Variants in TOM1L2 observed in about 807,000 individuals in gnomAD.
TOM1L2 encodes the protein target of myb1 like 2 membrane trafficking protein.
TOM1L2 carries 31 observed loss-of-function variants against 67.9 expected under a neutral mutation model. The ratio of observed to expected loss-of-function variants is 0.46; its 90% CI spans 0.34 to 0.62. The LOEUF (loss-of-function observed/expected upper bound fraction) is 0.62. TOM1L2 is among the 20% of genes least tolerant of loss of function. The probability of loss-of-function intolerance (pLI) is 0.01; values close to 1 mark genes in which losing one functional copy is unlikely to be tolerated. For missense variants in TOM1L2, 606 were observed against 663.5 expected (o/e 0.91, Z 0.95); for synonymous variants, 256 against 254.0 (o/e 1.01, Z -0.07).
In TOM1L2 at chr17:17,898,620, G is replaced by A. The variant is rs2144293654; in HGVS notation, c.192C>T (p.Tyr64=). The A allele has an allele frequency of 1.9e-6, 3 of 1,614,234 alleles. No homozygotes were observed. Among genetic ancestry groups the A allele is most frequent in the South Asian group, 2.2e-5 (2 of 91,080 alleles). The change falls in exon 3 of 15, where the codon TAC becomes TAT. Residue 64 remains tyrosine, a synonymous_variant. Transcript: ENST00000379504. ...LKKRLNGNRN[Y]REVMLALTVL... The stretch of plus-strand genomic sequence containing the variant: ...CTGTTAATGCCAGCATCACCTCTCT[G>A]TAGTTCCGGTTCCCGTTGAGCCGCT...
At chr17:17,889,832 G>A (rs2038184804) in intron 4 of TOM1L2, among the ~76,000 whole-genome samples, 1 of 152,172 alleles carries the variant, frequency 6.6e-6, no homozygotes, top group African/African-American at 2.4e-5. Flanking sequence ...CTCCCTGAGG[G>A]TAGGGCCAGG....
At chr17:17,953,935 G>A (rs2041316731) in intron 1 of TOM1L2, among the ~76,000 whole-genome samples, 1 of 152,258 alleles carries the variant, frequency 6.6e-6, no homozygotes, top group Admixed American at 6.5e-5. Flanking sequence ...ACCCTGTACA[G>A]TTAGCCACTC....
intron 4 of TOM1L2, among the ~76,000 whole-genome samples, chr17:17,891,985 C>T (rs1483587634): frequency 6.6e-6 from 1 of 152,150 alleles, no homozygotes; most frequent in Non-Finnish European, 1.5e-5. Flanking sequence ...TTACACTGCT[C>T]TAGACCCTGG....
chr17:17,872,626 C>T (rs2037209064), intron 7 of TOM1L2, among the ~76,000 whole-genome samples: 1 of 152,246 alleles, frequency 6.6e-6, no homozygotes, highest in African/African-American at 2.4e-5. Context: ...GGCCACCGTG[C>T]GGGTCTCCTC....
chr17:17,898,308 C>A (rs553791494), intron 3 of TOM1L2, among the ~76,000 whole-genome samples: 1 of 152,204 alleles, frequency 6.6e-6, no homozygotes, highest in African/African-American at 2.4e-5. Context: ...AAGGGACCCA[C>A]CCAAAACCTT....
At chr17:17,862,922 C>A in intron 10 of TOM1L2, 74 bp from the exon 11 acceptor site, 2 of 884,656 alleles carry the variant, frequency 2.3e-6, no homozygotes, top group South Asian at 2.9e-5. Context: ...GGCCCCCAAG[C>A]TAGGACGCCA....
At chr17:17,861,070 C>T (rs981720820) in intron 12 of TOM1L2, among the ~76,000 whole-genome samples, 1 of 152,194 alleles carries the variant, frequency 6.6e-6, no homozygotes, top group African/African-American at 2.4e-5. Context: ...GAGCACTGAC[C>T]ACCCTGTGGC....
intron 1 of TOM1L2, among the ~76,000 whole-genome samples, chr17:17,941,936 C>A (rs1280724718): frequency 6.6e-6 from 1 of 152,182 alleles, no homozygotes; most frequent in Non-Finnish European, 1.5e-5. Flanking sequence ...CCAACCTGGA[C>A]AACACAGCAA....
At chr17:17,891,540 G>A (rs1452597971) in intron 4 of TOM1L2, among the ~76,000 whole-genome samples, 1 of 152,156 alleles carries the variant, frequency 6.6e-6, no homozygotes, top group Non-Finnish European at 1.5e-5. Context: ...CAGGGACAGT[G>A]CAGTTCACAC....
chr17:17,945,777 G>GT (rs1353493414), intron 1 of TOM1L2, among the ~76,000 whole-genome samples: 1 of 152,084 alleles, frequency 6.6e-6, no homozygotes, highest in Admixed American at 6.5e-5. Flanking sequence ...AAGAGAAAAA[G>GT]TAATTATAGA....
In TOM1L2 at chr17:17,847,288, C is replaced by G; in HGVS notation, c.*347G>C. The G allele has an allele frequency of 3.2e-6, 1 of 309,660 alleles. No homozygotes were observed. Among genetic ancestry groups the G allele is most frequent in the Non-Finnish European group, 6.1e-6 (1 of 165,120 alleles). 19.2% of individuals were successfully genotyped at this position (309,660 alleles called of 1,614,324 possible). A position where few individuals can be genotyped will look rare whatever the true frequency, so the allele number is the denominator to read the frequency against. ...AGCACAGGGCGGGGCCGGGCGTGCT[C>G]TTTCTCCATGGGCGGGTGGAGGAAA... is the stretch of plus-strand genomic sequence containing the variant. On this transcript the variant is annotated 3_prime_UTR_variant, in exon 15 of 15. Transcript: ENST00000379504.
chr17:17,912,364 G>T (rs1237939383), intron 1 of TOM1L2, among the ~76,000 whole-genome samples: 1 of 151,496 alleles, frequency 6.6e-6, no homozygotes, highest in Non-Finnish European at 1.5e-5. Flanking sequence ...TGGCTGCCGG[G>T]CGGAGAGGCT....
At chr17:17,854,986 C>T (rs564599401) in intron 12 of TOM1L2, among the ~76,000 whole-genome samples, 2 of 152,300 alleles carry the variant, frequency 1.3e-5, no homozygotes, top group South Asian at 4.1e-4. Flanking sequence ...GAGGAATGCC[C>T]TCCAATAGAG....
intron 1 of TOM1L2, among the ~76,000 whole-genome samples, chr17:17,950,323 CT>C (rs1489492439): frequency 6.6e-6 from 1 of 151,990 alleles, no homozygotes; most frequent in African/African-American, 2.4e-5. Flanking sequence ...TACCCGGCTC[CT>C]TTTTTTGAAT....
At chr17:17,904,603 T>TG (rs2039004946) in intron 2 of TOM1L2, among the ~76,000 whole-genome samples, 1 of 152,198 alleles carries the variant, frequency 6.6e-6, no homozygotes, top group East Asian at 1.9e-4. Flanking sequence ...GGGAGCAACT[T>TG]GGTCGTTGTG....
intron 13 of TOM1L2, among the ~76,000 whole-genome samples, chr17:17,850,013 C>T (rs535876940): frequency 6.6e-6 from 1 of 152,286 alleles, no homozygotes; most frequent in South Asian, 2.1e-4. Flanking sequence ...GGGAGGTAGC[C>T]AGGTCACCAG....
intron 12 of TOM1L2, among the ~76,000 whole-genome samples, chr17:17,852,388 A>C (rs1421210192): frequency 2.6e-5 from 4 of 152,122 alleles, no homozygotes; most frequent in African/African-American, 7.2e-5. Context: ...ATGCCACCAG[A>C]GCTCTTCACT....
chr17:17,896,320 G>A (rs1467717397), intron 3 of TOM1L2, among the ~76,000 whole-genome samples: 1 of 152,168 alleles, frequency 6.6e-6, no homozygotes, highest in Non-Finnish European at 1.5e-5. Flanking sequence ...GGAAAGGTGA[G>A]GCTGCAATTA....
In TOM1L2 at chr17:17,850,513, AC is replaced by A. The variant is rs763600302; in HGVS notation, c.1338+379del. On this transcript the variant is annotated intron_variant, in intron 13 of 14. Coordinates refer to ENST00000379504, the MANE Select transcript of TOM1L2 (RefSeq NM_001082968.2). ...AGAAATGAAAACAAAACAAAACAAA[AC>A]AAAAAACATGCTCCCCCAACACTCC... Among the ~76,000 whole-genome samples, 51 of 151,340 alleles carry A rather than the reference AC, an allele frequency of 3.4e-4. 1 individual carries two copies. Among genetic ancestry groups the A allele is most frequent in the African/African-American group, 6.0e-4 (25 of 41,346 alleles).
Sources: allele counts gnomAD v4.1 joint callset (sites outside exome capture counted in the v4.1 genomes callset), GRCh38; gene constraint gnomAD v4.1.1; transcripts MANE v1.5; gene names NCBI Gene and HGNC (gene_info 2026-07-23, HGNC 2026-07-21).